Variants in ATP8B4 observed in about 807,000 individuals in gnomAD.
ATP8B4 encodes probable phospholipid-transporting ATPase IM.
A neutral mutation model predicts 145.6 loss-of-function variants in ATP8B4; 133 were observed. The observed-to-expected ratio is 0.91, with a 90% CI of 0.79 to 1.05. The LOEUF (loss-of-function observed/expected upper bound fraction) is 1.05. ATP8B4 is among the 50% of genes least tolerant of loss of function. The pLI, the probability that ATP8B4 is intolerant of heterozygous loss-of-function variation, is 0.00. For synonymous variants in ATP8B4, 507 were observed against 492.9 expected (o/e 1.03, Z -0.38); for missense variants, 1,458 against 1,425.2 (o/e 1.02, Z -0.37).
At chr15:49,899,633 TTCTC>T (rs200462162) in intron 21 of ATP8B4, among the ~76,000 whole-genome samples, 1 of 151,826 alleles carries the variant, frequency 6.6e-6, no homozygotes, top group Non-Finnish European at 1.5e-5. Context: ...AATGGTCTCT[TTCTC>T]TCTCTCTCTC....
intron 3 of ATP8B4, among the ~76,000 whole-genome samples, chr15:50,057,762 C>A (rs2052711670): frequency 6.6e-6 from 1 of 152,180 alleles, no homozygotes; most frequent in African/African-American, 2.4e-5. Flanking sequence ...TTTAGGGTTC[C>A]AGTGTCTGAA....
At chr15:49,914,689 C>A (rs1039277499) in intron 20 of ATP8B4, among the ~76,000 whole-genome samples, 1 of 152,054 alleles carries the variant, frequency 6.6e-6, no homozygotes, top group African/African-American at 2.4e-5. Flanking sequence ...ATAAGACACA[C>A]AAATAGCCAA....
At chr15:49,966,155 C>A (rs2044519668) in intron 13 of ATP8B4, among the ~76,000 whole-genome samples, 2 of 152,208 alleles carry the variant, frequency 1.3e-5, no homozygotes, top group Admixed American at 1.3e-4. Flanking sequence ...GGTGCCTACA[C>A]CACCAGGGCC....
intron 1 of ATP8B4, among the ~76,000 whole-genome samples, chr15:50,158,610 A>G (rs1033201620): frequency 6.6e-6 from 1 of 152,254 alleles, no homozygotes; most frequent in Non-Finnish European, 1.5e-5. Context: ...GGTATACCCA[A>G]CAGCTCATTG....
chr15:49,884,603 CAAAAAAAAAGAAAAAAA>C (rs2035930480), intron 23 of ATP8B4, among the ~76,000 whole-genome samples: 1 of 32,772 alleles, frequency 3.1e-5, no homozygotes, highest in African/African-American at 1.1e-4. Context: ...ATCCTGTCTC[CAAAAAAAAAGAAAAAAA>C]AAAAAAAAAA....
intron 1 of ATP8B4, among the ~76,000 whole-genome samples, chr15:50,174,112 T>C (rs552543989): frequency 2.6e-5 from 4 of 152,214 alleles, no homozygotes; most frequent in South Asian, 4.1e-4. Context: ...GATTAAAACT[T>C]TCAGCAAAAT....
intron 17 of ATP8B4, chr15:49,922,326 T>A (rs2153456369): frequency 2.5e-6 from 1 of 393,598 alleles, no homozygotes. Flanking sequence ...CCTTGGTGTT[T>A]GAGTAACGGC....
chr15:50,144,388 G>A (rs2044249548), intron 1 of ATP8B4, among the ~76,000 whole-genome samples: 1 of 152,214 alleles, frequency 6.6e-6, no homozygotes, highest in South Asian at 2.1e-4. Flanking sequence ...GTAAAGAAAA[G>A]AGGTTTGATT....
intron 6 of ATP8B4, among the ~76,000 whole-genome samples, chr15:50,032,725 TAAG>T (rs1352167262): frequency 6.6e-6 from 1 of 151,938 alleles, no homozygotes; most frequent in Non-Finnish European, 1.5e-5. Flanking sequence ...TATAAAGAAA[TAAG>T]AAATCATAAT....
At chr15:49,866,823 GTC>G (rs2032876868) in intron 25 of ATP8B4, among the ~76,000 whole-genome samples, 1 of 152,148 alleles carries the variant, frequency 6.6e-6, no homozygotes, top group Admixed American at 6.5e-5. Context: ...CTTTACAAAT[GTC>G]TCTCAAAACT....
intron 1 of ATP8B4, among the ~76,000 whole-genome samples, chr15:50,130,575 G>A (rs1184376013): frequency 1.3e-5 from 2 of 151,934 alleles, no homozygotes; most frequent in Admixed American, 1.3e-4. Flanking sequence ...AGGAGATCGA[G>A]ACCATCCTGG....
intron 1 of ATP8B4, among the ~76,000 whole-genome samples, chr15:50,129,654 T>G (rs1223507752): frequency 6.6e-6 from 1 of 152,184 alleles, no homozygotes; most frequent in East Asian, 1.9e-4. Flanking sequence ...ACATGAATTT[T>G]GGGCCACACT....
At chr15:49,929,759 C>T (rs918139668) in intron 16 of ATP8B4, among the ~76,000 whole-genome samples, 3 of 151,912 alleles carry the variant, frequency 2.0e-5, no homozygotes, top group African/African-American at 7.3e-5. Flanking sequence ...GAGACCAAAA[C>T]AGGAGTGTCA....
chr15:50,045,775 A>G (rs562355747), intron 4 of ATP8B4, among the ~76,000 whole-genome samples: 1 of 152,346 alleles, frequency 6.6e-6, no homozygotes, highest in East Asian at 1.9e-4. Context: ...AGACTGAACC[A>G]TCCCAAAGTT....
rs2053408037 is a variant in ATP8B4, at chr15:50,066,728, CTT to C, written c.87+7397_87+7398del. Among the ~76,000 whole-genome samples the C allele has an allele frequency of 3.9e-5, 6 of 152,248 alleles. No individual in the cohort carries two copies. The South Asian group carries it at 1.2e-3, about 32-fold the overall frequency. ...GCCTGAAAGCTTTTATACTGTTTCT[CTT>C]CTCTTTATTGCAAGCTATTAATTGA... is the stretch of plus-strand genomic sequence containing the variant. On this transcript the variant is annotated intron_variant, in intron 3 of 27. Coordinates refer to ENST00000284509, the MANE Select transcript of ATP8B4 (RefSeq NM_024837.4).
At chr15:50,121,470 A>C (rs2057269698), upstream of ATP8B4, among the ~76,000 whole-genome samples, 1 of 152,140 alleles carries the variant, frequency 6.6e-6, no homozygotes, top group South Asian at 2.1e-4. Context: ...TGTACACTTA[A>C]AGGTAGTTAA....
intron 13 of ATP8B4, among the ~76,000 whole-genome samples, chr15:49,968,268 C>A (rs1205261126): frequency 1.3e-5 from 2 of 152,158 alleles, no homozygotes; most frequent in South Asian, 4.1e-4. Context: ...CAAATTCACA[C>A]ATAACAATAT....
chr15:49,870,102 T>A (rs2033444552), intron 25 of ATP8B4, among the ~76,000 whole-genome samples: 1 of 152,158 alleles, frequency 6.6e-6, no homozygotes, highest in African/African-American at 2.4e-5. Flanking sequence ...TATAGAAACA[T>A]CTTGTATGTT....
chr15:50,153,742 G>A (rs536811982), intron 1 of ATP8B4, among the ~76,000 whole-genome samples: 1 of 152,300 alleles, frequency 6.6e-6, no homozygotes, highest in Admixed American at 6.5e-5. Context: ...ATGAATCTGA[G>A]AAGCTTTAAG....
Sources: gnomAD v4.1 joint callset for allele counts (sites outside exome capture counted in the v4.1 genomes callset) on GRCh38, gnomAD v4.1.1 for gene constraint, MANE v1.5 for transcripts, NCBI Gene and HGNC (gene_info 2026-07-23, HGNC 2026-07-21) for gene names.